The following CADPS2 variants were observed in gnomAD, a reference collection of about 807,000 sequenced individuals.
CADPS2 encodes calcium-dependent secretion activator 2.
In CADPS2, 93 loss-of-function variants were observed where a neutral mutation model predicts 172.5. The ratio of observed to expected loss-of-function variants is 0.54; its 90% CI spans 0.46 to 0.64. The LOEUF (loss-of-function observed/expected upper bound fraction) is 0.64. CADPS2 is among the 30% of genes least tolerant of loss of function. The pLI, the probability that CADPS2 is intolerant of heterozygous loss-of-function variation, is 0.00. For synonymous variants in CADPS2, 546 were observed against 555.2 expected, an observed-to-expected ratio of 0.98 and a Z score of 0.23; for missense variants, 1,420 against 1,565.9, an observed-to-expected ratio of 0.91 and a Z score of 1.57.
chr7:122,359,147 C>T (rs894345395), intron 27 of CADPS2, among the ~76,000 whole-genome samples: 3 of 151,952 alleles, frequency 2.0e-5, no homozygotes, highest in African/African-American at 7.2e-5. Flanking sequence ...ATAAGCGTTC[C>T]TCAGACAACA....
intron 3 of CADPS2, among the ~76,000 whole-genome samples, chr7:122,638,403 G>A (rs1860856): frequency 7.7e-4 from 117 of 152,274 alleles, no homozygotes; most frequent in African/African-American, 2.5e-3. Flanking sequence ...AGGATGAGTG[G>A]AGTCACCCAA....
chr7:122,590,150 C>T (rs1245994371), intron 6 of CADPS2, among the ~76,000 whole-genome samples: 1 of 151,658 alleles, frequency 6.6e-6, no homozygotes, highest in African/African-American at 2.4e-5. Flanking sequence ...GTAGCCAAAA[C>T]AATCTTAAAG....
intron 9 of CADPS2, among the ~76,000 whole-genome samples, chr7:122,500,830 T>C (rs1029386554): frequency 1.3e-5 from 2 of 152,230 alleles, no homozygotes; most frequent in Admixed American, 6.5e-5. Context: ...AAGATATTTT[T>C]ATATTTTATA....
intron 2 of CADPS2, among the ~76,000 whole-genome samples, chr7:122,695,659 T>C (rs558180378): frequency 1.8e-3 from 279 of 152,258 alleles, no homozygotes; most frequent in African/African-American, 6.5e-3. Context: ...ACTCCAAATA[T>C]AGATTCTAAC....
chr7:122,621,192 A>G (rs754503141), intron 5 of CADPS2, among the ~76,000 whole-genome samples: 15 of 152,080 alleles, frequency 9.9e-5, no homozygotes, highest in Non-Finnish European at 2.2e-4. Flanking sequence ...GTGAGCCCCA[A>G]TGCTCATCTT....
At chr7:122,364,854 T>C (rs7803157) in intron 25 of CADPS2, among the ~76,000 whole-genome samples, 34,751 of 151,984 alleles carry the variant, frequency 0.23, 4,220 homozygotes, top group Non-Finnish European at 0.26. Context: ...GTGGGAGAGA[T>C]AGACATGAAC....
intron 8 of CADPS2, among the ~76,000 whole-genome samples, chr7:122,519,614 C>T (rs186441597): frequency 6.6e-6 from 1 of 151,946 alleles, no homozygotes. Context: ...AAACACACAA[C>T]TGATTGCTAG....
chr7:122,452,878 T>C (rs917036651), intron 14 of CADPS2, among the ~76,000 whole-genome samples: 3 of 152,176 alleles, frequency 2.0e-5, no homozygotes, highest in Admixed American at 6.5e-5. Context: ...TCTATATACA[T>C]ATAATCATAT....
intron 16 of CADPS2, among the ~76,000 whole-genome samples, chr7:122,438,738 G>T (rs1182189766): frequency 5.3e-5 from 8 of 151,960 alleles, no homozygotes; most frequent in Non-Finnish European, 1.2e-4. Context: ...TCACCATTCA[G>T]TGTGACTGTC....
At chr7:122,428,984 T>G (rs2049537182) in intron 17 of CADPS2, among the ~76,000 whole-genome samples, 1 of 152,114 alleles carries the variant, frequency 6.6e-6, no homozygotes, top group Non-Finnish European at 1.5e-5. Flanking sequence ...TTGGCAGACA[T>G]TTTCTGAGAA....
intron 28 of CADPS2, chr7:122,330,751 A>ATT (rs1563080855): frequency 6.6e-6 from 1 of 152,288 alleles, no homozygotes; most frequent in South Asian, 2.1e-4. Context: ...GGAAGAGAAG[A>ATT]GACTTGCATC....
At chr7:122,508,153 G>T (rs1012841981) in intron 9 of CADPS2, among the ~76,000 whole-genome samples, 19 of 151,970 alleles carry the variant, frequency 1.3e-4, no homozygotes, top group Admixed American at 1.2e-3. Context: ...AGAGCGTTTT[G>T]AAATGGAGTC....
intron 6 of CADPS2, among the ~76,000 whole-genome samples, chr7:122,591,173 G>A (rs2070739915): frequency 6.6e-6 from 1 of 152,002 alleles, no homozygotes; most frequent in African/African-American, 2.4e-5. Flanking sequence ...AAAATCACAA[G>A]CATTCCTATA....
chr7:122,380,509 C>T (rs1185990456), intron 24 of CADPS2, among the ~76,000 whole-genome samples: 2 of 151,688 alleles, frequency 1.3e-5, no homozygotes, highest in African/African-American at 2.4e-5. Context: ...AGTTTCCACA[C>T]AGTACAAAAC....
chr7:122,394,639 GA>G (rs1480131009), intron 20 of CADPS2, among the ~76,000 whole-genome samples: 4 of 151,882 alleles, frequency 2.6e-5, no homozygotes, highest in African/African-American at 7.3e-5. Flanking sequence ...TTTTGGGAAG[GA>G]ATAAGCTTGG....
intron 2 of CADPS2, among the ~76,000 whole-genome samples, chr7:122,692,509 A>G (rs1004148892): frequency 2.2e-4 from 34 of 152,150 alleles, no homozygotes; most frequent in Non-Finnish European, 4.1e-4. Flanking sequence ...CTCCACACTC[A>G]TGGGAGACCT....
intron 1 of CADPS2, among the ~76,000 whole-genome samples, chr7:122,824,859 A>T (rs1372584149): frequency 6.6e-6 from 1 of 152,198 alleles, no homozygotes; most frequent in East Asian, 1.9e-4. Context: ...CATGTGAGGA[A>T]CACATCTAGT....
At chr7:122,574,698 T>G (rs956624322) in intron 7 of CADPS2, among the ~76,000 whole-genome samples, 1 of 151,148 alleles carries the variant, frequency 6.6e-6, no homozygotes, top group African/African-American at 2.4e-5. Context: ...AAAAGGAAGA[T>G]AGTAAAGGAA....
intron 2 of CADPS2, among the ~76,000 whole-genome samples, chr7:122,668,524 T>A (rs1358025628): frequency 6.6e-6 from 1 of 152,108 alleles, no homozygotes; most frequent in Non-Finnish European, 1.5e-5. Context: ...CAGAGTAGAC[T>A]GCTAGTAAAA....
Sources: allele counts gnomAD v4.1 joint callset (sites outside exome capture counted in the v4.1 genomes callset), GRCh38; gene constraint gnomAD v4.1.1; transcripts MANE v1.5; gene names NCBI Gene and HGNC (gene_info 2026-07-23, HGNC 2026-07-21).